Variants in NMNAT2 observed in about 807,000 individuals in gnomAD.
The protein encoded by NMNAT2 is nicotinamide nucleotide adenylyltransferase 2.
NMNAT2 carries 11 observed loss-of-function variants against 41.6 expected under a neutral mutation model. The ratio of observed to expected loss-of-function variants is 0.26; its 90% confidence interval spans 0.17 to 0.44. NMNAT2 has a LOEUF of 0.44. NMNAT2 is among the 20% of genes least tolerant of loss of function. The pLI, the probability that NMNAT2 is intolerant of heterozygous loss-of-function variation, is 1.00. For synonymous variants in NMNAT2, 148 were observed against 151.2 expected (o/e 0.98, Z 0.16); for missense variants, 288 against 407.7 (o/e 0.71, Z 2.53).
At chr1:183,414,649 T>C (rs962979697) in intron 1 of NMNAT2, among the ~76,000 whole-genome samples, 1 of 152,242 alleles carries the variant, frequency 6.6e-6, no homozygotes, top group East Asian at 1.9e-4. Context: ...TATACAAGTG[T>C]CAAATATCTC....
chr1:183,382,607 G>A (rs1663825897), intron 1 of NMNAT2, among the ~76,000 whole-genome samples: 1 of 152,168 alleles, frequency 6.6e-6, no homozygotes, highest in Non-Finnish European at 1.5e-5. Context: ...TATAGGCATT[G>A]GGTAAATACA....
intron 1 of NMNAT2, among the ~76,000 whole-genome samples, chr1:183,375,246 A>G (rs1050087984): frequency 7.9e-5 from 12 of 151,984 alleles, no homozygotes; most frequent in Admixed American, 2.6e-4. Context: ...AATAATAACA[A>G]CCCATGGCCA....
intron 1 of NMNAT2, among the ~76,000 whole-genome samples, chr1:183,294,833 C>A (rs1661641708): frequency 6.6e-6 from 1 of 152,086 alleles, no homozygotes; most frequent in Non-Finnish European, 1.5e-5. Context: ...AGGGCCTGAG[C>A]TTATTCCACT....
chr1:183,418,331 G>A lies in NMNAT2; in HGVS notation c.-64C>T, dbSNP rs976990046. ...TCTCTTTTTGTGTCTCGTTGTGTCT[G>A]CAGAGGGAGAAAGGAAGGCGAGGCT... On this transcript the variant is annotated 5_prime_UTR_variant, in exon 1 of 11. Coordinates refer to ENST00000287713, the MANE Select transcript of NMNAT2 (RefSeq NM_015039.4). The A allele has an allele frequency of 1.6e-5, 24 of 1,497,648 alleles. No homozygotes were observed. Among genetic ancestry groups the A allele is most frequent in the Middle Eastern group, 1.7e-4 (1 of 5,866 alleles). The allele number at this position is 1,497,648 out of a possible 1,614,324, so 92.8% of individuals were successfully genotyped here.
At chr1:183,388,251 C>A (rs1648319139) in intron 1 of NMNAT2, among the ~76,000 whole-genome samples, 1 of 152,168 alleles carries the variant, frequency 6.6e-6, no homozygotes, top group South Asian at 2.1e-4. Flanking sequence ...GGAAGACAGC[C>A]TGGTAAACTG....
intron 3 of NMNAT2, among the ~76,000 whole-genome samples, chr1:183,292,233 G>C (rs1010462888): frequency 1.3e-5 from 2 of 152,350 alleles, no homozygotes; most frequent in South Asian, 2.1e-4. Flanking sequence ...GCGGAGGTGG[G>C]TGGAGGTGCC....
intron 1 of NMNAT2, among the ~76,000 whole-genome samples, chr1:183,302,823 C>A (rs1007086457): frequency 2.6e-5 from 4 of 152,150 alleles, no homozygotes; most frequent in African/African-American, 9.7e-5. Context: ...ACTCCCTCTG[C>A]CTTCTGGCTG....
At chr1:183,362,522 A>G (rs1413207438) in intron 1 of NMNAT2, among the ~76,000 whole-genome samples, 1 of 152,200 alleles carries the variant, frequency 6.6e-6, no homozygotes, top group Non-Finnish European at 1.5e-5. Context: ...GGAATCATAC[A>G]ATAGATGACG....
chr1:183,355,725 T>C (rs890286655), intron 1 of NMNAT2, among the ~76,000 whole-genome samples: 1 of 152,228 alleles, frequency 6.6e-6, no homozygotes, highest in African/African-American at 2.4e-5. Context: ...CTCTGCTCCC[T>C]GGCTCACTCT....
chr1:183,286,860 C>G, intron 4 of NMNAT2, 72 bp from the exon 5 acceptor site: 1 of 1,517,572 alleles, frequency 6.6e-7, no homozygotes, highest in Non-Finnish European at 8.9e-7. Flanking sequence ...TCCAAGTGGT[C>G]ATCTGCTTGT....
intron 1 of NMNAT2, among the ~76,000 whole-genome samples, chr1:183,334,078 T>A (rs962435427): frequency 1.3e-5 from 2 of 152,238 alleles, no homozygotes; most frequent in Non-Finnish European, 2.9e-5. Flanking sequence ...CGTCTCATTT[T>A]TTTTGAGACG....
At chr1:183,345,533 G>A (rs984599882) in intron 1 of NMNAT2, among the ~76,000 whole-genome samples, 1 of 152,072 alleles carries the variant, frequency 6.6e-6, no homozygotes, top group African/African-American at 2.4e-5. Context: ...GGGGAAGAGA[G>A]ACCTGAGAGA....
chr1:183,314,417 C>T (rs1295105282), intron 1 of NMNAT2, among the ~76,000 whole-genome samples: 1 of 152,238 alleles, frequency 6.6e-6, no homozygotes, highest in Non-Finnish European at 1.5e-5. Flanking sequence ...ATACATGCCA[C>T]TGTAATAAGT....
chr1:183,356,856 A>C (rs947734156), intron 1 of NMNAT2, among the ~76,000 whole-genome samples: 1 of 152,226 alleles, frequency 6.6e-6, no homozygotes, highest in Non-Finnish European at 1.5e-5. Flanking sequence ...CTTTTCATGC[A>C]TAGAATCAGG....
intron 1 of NMNAT2, among the ~76,000 whole-genome samples, chr1:183,314,609 C>T (rs1052289893): frequency 6.6e-6 from 1 of 152,240 alleles, no homozygotes; most frequent in Non-Finnish European, 1.5e-5. Context: ...TTCTCTGTTT[C>T]TAGCTCCTCC....
At chr1:183,278,381 A>G (rs947923988) in intron 8 of NMNAT2, among the ~76,000 whole-genome samples, 172 bp downstream of exon 8, 1 of 152,172 alleles carries the variant, frequency 6.6e-6, no homozygotes, top group Non-Finnish European at 1.5e-5. Context: ...AAGTGTAAAA[A>G]TGCAGTAGGA....
chr1:183,309,449 A>T (rs1272243634), intron 1 of NMNAT2, among the ~76,000 whole-genome samples: 2 of 152,060 alleles, frequency 1.3e-5, no homozygotes, highest in Non-Finnish European at 2.9e-5. Context: ...GCACAAATCC[A>T]CTCATCTCTA....
chr1:183,353,859 G>A (rs941723887), intron 1 of NMNAT2, among the ~76,000 whole-genome samples: 2 of 151,906 alleles, frequency 1.3e-5, no homozygotes, highest in Non-Finnish European at 2.9e-5. Flanking sequence ...ACTTCTACTT[G>A]CTTGAGTGAG....
At chr1:183,383,582 G>A (rs1663850521) in intron 1 of NMNAT2, among the ~76,000 whole-genome samples, 1 of 152,160 alleles carries the variant, frequency 6.6e-6, no homozygotes, top group Admixed American at 6.6e-5. Context: ...GTTAGATGCA[G>A]CCAGGCTACA....
Sources: gnomAD v4.1 joint callset for allele counts (sites outside exome capture counted in the v4.1 genomes callset) on GRCh38, gnomAD v4.1.1 for gene constraint, MANE v1.5 for transcripts, NCBI Gene and HGNC (gene_info 2026-07-23, HGNC 2026-07-21) for gene names.